Variants in DPP6 observed in about 807,000 individuals in gnomAD.
The protein encoded by DPP6 is dipeptidyl peptidase like 6.
In DPP6, 69 loss-of-function variants were observed where a neutral mutation model predicts 122.6. The observed-to-expected ratio is 0.56, with a 90% CI of 0.46 to 0.69. The LOEUF (loss-of-function observed/expected upper bound fraction) is 0.69, where lower values mean the gene tolerates loss of function less well. Ranked by LOEUF, DPP6 falls within the 30% of genes least tolerant of loss-of-function variation. The pLI, the probability that DPP6 is intolerant of heterozygous loss-of-function variation, is 0.00. For synonymous variants in DPP6, 418 were observed against 433.1 expected (o/e 0.97, Z 0.43); for missense variants, 928 against 1,116.9 (o/e 0.83, Z 2.41).
At chr7:153,852,570 C>A in the DPP6 span, among the ~76,000 whole-genome samples, 1 of 152,126 alleles carries the variant, frequency 6.6e-6, no homozygotes, top group Non-Finnish European at 1.5e-5. Flanking sequence ...CAGGCCCCAC[C>A]TCCAACACTG....
chr7:154,614,023 C>T (rs1173301079), intron 5 of DPP6, among the ~76,000 whole-genome samples: 1 of 152,216 alleles, frequency 6.6e-6, no homozygotes, highest in African/African-American at 2.4e-5. Flanking sequence ...TCTTGAGAGC[C>T]ACTCTCCAGC....
intron 17 of DPP6, among the ~76,000 whole-genome samples, chr7:154,855,796 T>C (rs1201582310): frequency 2.6e-5 from 4 of 152,264 alleles, no homozygotes; most frequent in African/African-American, 9.6e-5. Context: ...AAAATGCCGA[T>C]GTTGCATAGA....
At position 154,875,962 on chromosome 7, in the gene DPP6, C is replaced by T. The variant is rs546439141; in HGVS notation, c.1940C>T (p.Thr647Met). Residue 647 changes from threonine (T) to methionine (M), a missense_variant, in exon 20 of 26, where the codon ACG becomes ATG. Physicochemically the swap from Thr to Met is moderately conservative, Grantham distance 81. Coordinates refer to ENST00000377770, the MANE Select transcript of DPP6 (RefSeq NM_130797.4). The surrounding 1 kb of genome is among the most constrained non-coding windows in gnomAD (Gnocchi z 4.5). The part of the protein sequence containing the change: ...VAEKFEVSWE[T>M]VMVSSHGAVV... ...GAGAAGTTCGAGGTGAGCTGGGAGA[C>T]GGTGATGGTGAGCAGCCACGGCGCG... 5.6e-5 allele frequency: 90 copies of T among 1,613,514 alleles called. No individual in the cohort carries two copies. The highest frequency in any genetic ancestry group is 5.5e-4 in the South Asian group (50 of 91,000).
chr7:154,356,571 AC>A (rs993463895), intron 1 of DPP6, among the ~76,000 whole-genome samples: 10 of 150,242 alleles, frequency 6.7e-5, no homozygotes, highest in Admixed American at 6.0e-4. Context: ...TTATCCCCCA[AC>A]CCCCCCACCA....
intron 1 of DPP6, among the ~76,000 whole-genome samples, chr7:153,983,597 T>TA (rs759946070): frequency 6.6e-5 from 10 of 151,816 alleles, no homozygotes; most frequent in Middle Eastern, 3.2e-3. Flanking sequence ...TGGGGTATGA[T>TA]AAAAAACTCC....
intron 1 of DPP6, among the ~76,000 whole-genome samples, chr7:153,968,359 TGA>T (rs957265635): frequency 2.7e-4 from 41 of 152,308 alleles, no homozygotes; most frequent in African/African-American, 9.4e-4. Context: ...TGTCTTCTTT[TGA>T]GACATGTCTG....
intron 1 of DPP6, among the ~76,000 whole-genome samples, chr7:154,317,813 A>G (rs1807566053): frequency 6.6e-6 from 1 of 152,184 alleles, no homozygotes; most frequent in African/African-American, 2.4e-5. Context: ...AAAGTAACAG[A>G]CAGTAATTGA....
intron 1 of DPP6, among the ~76,000 whole-genome samples, chr7:154,285,585 C>A (rs967902090): frequency 4.6e-5 from 7 of 152,148 alleles, no homozygotes; most frequent in African/African-American, 1.7e-4. Context: ...TTTATTATAT[C>A]ATTTTAGGTT....
chr7:154,116,138 G>T (rs554030615), intron 1 of DPP6, among the ~76,000 whole-genome samples: 3 of 151,220 alleles, frequency 2.0e-5, no homozygotes, highest in Admixed American at 6.6e-5. Context: ...TACACACTTT[G>T]GTTAGTTACT....
intron 1 of DPP6, among the ~76,000 whole-genome samples, chr7:154,426,371 T>C (rs1054525829): frequency 2.0e-5 from 3 of 152,220 alleles, no homozygotes; most frequent in Admixed American, 2.0e-4. Context: ...AATCTTTTGG[T>C]AACTTATTTG....
intron 10 of DPP6, among the ~76,000 whole-genome samples, chr7:154,791,122 G>C (rs1351041373): frequency 1.3e-5 from 2 of 152,012 alleles, no homozygotes; most frequent in Non-Finnish European, 1.5e-5. Context: ...CATGGTGGCA[G>C]ACATCTGTAA....
At chr7:153,971,991 A>C (rs1375157916) in intron 1 of DPP6, among the ~76,000 whole-genome samples, 1 of 148,546 alleles carries the variant, frequency 6.7e-6, no homozygotes, top group South Asian at 2.1e-4. Flanking sequence ...ATTACAGATG[A>C]CTCTCTTGTA....
intron 8 of DPP6, among the ~76,000 whole-genome samples, chr7:154,747,564 G>C (rs1843093045): frequency 6.6e-6 from 1 of 152,138 alleles, no homozygotes; most frequent in Non-Finnish European, 1.5e-5. Context: ...GCCATACTGT[G>C]TTAGTCTAGC....
intron 5 of DPP6, among the ~76,000 whole-genome samples, chr7:154,582,579 A>G (rs1038364901): frequency 2.0e-5 from 3 of 152,204 alleles, no homozygotes; most frequent in African/African-American, 2.4e-5. Context: ...GCTGGGCTTC[A>G]GATGTCAAGG....
At chr7:154,431,092 G>A (rs997328849) in intron 1 of DPP6, among the ~76,000 whole-genome samples, 7 of 152,162 alleles carry the variant, frequency 4.6e-5, no homozygotes, top group Admixed American at 1.3e-4. Context: ...CACCTCAAGG[G>A]AAGTGTTGGT....
At chr7:154,052,055 TGGCC>T (rs1169298227), upstream of DPP6, among the ~76,000 whole-genome samples, 3 of 151,220 alleles carry the variant, frequency 2.0e-5, no homozygotes, top group African/African-American at 7.3e-5. The surrounding 1 kb of genome is among the most constrained non-coding windows in gnomAD (Gnocchi z 4.8). Context: ...AGTCGCCCCC[TGGCC>T]GGCCTGCCTG....
At chr7:153,882,052 C>G in the DPP6 span, among the ~76,000 whole-genome samples, 1 of 152,166 alleles carries the variant, frequency 6.6e-6, no homozygotes, top group Admixed American at 6.5e-5. Context: ...CTTGGCATAT[C>G]ATTAGTCTCT....
intron 5 of DPP6, among the ~76,000 whole-genome samples, chr7:154,617,010 C>T (rs1037897123): frequency 6.6e-6 from 1 of 152,202 alleles, no homozygotes; most frequent in African/African-American, 2.4e-5. Flanking sequence ...AGCAGTCAGC[C>T]TTCATCACCC....
intron 1 of DPP6, among the ~76,000 whole-genome samples, chr7:154,421,305 A>G (rs1586219360): frequency 7.0e-6 from 1 of 142,444 alleles, no homozygotes; most frequent in Non-Finnish European, 1.5e-5. Context: ...AATAATTTGC[A>G]TGTCAGTTTC....
Sources: gnomAD v4.1 joint callset for allele counts (sites outside exome capture counted in the v4.1 genomes callset) on GRCh38, gnomAD v4.1.1 for gene constraint, Gnocchi (gnomAD v3.1) non-coding constraint, MANE v1.5 for transcripts, NCBI Gene and HGNC (gene_info 2026-07-23, HGNC 2026-07-21) for gene names.